The following LDLRAD4 variants were observed in gnomAD, a reference collection of about 807,000 sequenced individuals.
The protein encoded by LDLRAD4 is low density lipoprotein receptor class A domain containing 4.
Under a neutral mutation model 17.0 loss-of-function variants are expected in LDLRAD4, and 5 were observed. That is an observed-to-expected ratio of 0.29 (90% CI 0.15 to 0.62). The LOEUF is 0.62. LDLRAD4 is among the 20% of genes least tolerant of loss of function. LDLRAD4 has a pLI of 0.84. For missense variants in LDLRAD4, 340 were observed against 424.7 expected, an observed-to-expected ratio of 0.80 and a Z score of 1.75; for synonymous variants, 168 against 171.8, an observed-to-expected ratio of 0.98 and a Z score of 0.17.
intron 1 of LDLRAD4, among the ~76,000 whole-genome samples, chr18:13,281,048 C>T (rs575072803): frequency 8.5e-5 from 13 of 152,180 alleles, no homozygotes; most frequent in Non-Finnish European, 1.8e-4. Context: ...TTATTTTCAC[C>T]AGATGTGTGT....
chr18:13,364,017 TCTGAAGTATA>T (rs1159548062), intron 1 of LDLRAD4, among the ~76,000 whole-genome samples: 4 of 152,318 alleles, frequency 2.6e-5, no homozygotes, highest in Admixed American at 6.5e-5. Flanking sequence ...AAAAGTTTGG[TCTGAAGTATA>T]CTGAGGCCAT....
At chr18:13,577,108 G>A (rs898326853) in intron 3 of LDLRAD4, among the ~76,000 whole-genome samples, 1 of 151,560 alleles carries the variant, frequency 6.6e-6, no homozygotes, top group Non-Finnish European at 1.5e-5. Context: ...GAATTTGCAT[G>A]AGGCTAGTTT....
At chr18:13,297,289 A>G (rs914021012) in intron 1 of LDLRAD4, among the ~76,000 whole-genome samples, 1 of 152,178 alleles carries the variant, frequency 6.6e-6, no homozygotes, top group Non-Finnish European at 1.5e-5. Flanking sequence ...GGTGGGGATC[A>G]TAGCACCGTT....
chr18:13,226,723 T>TAAAATAAAAC (rs2041826122), intron 1 of LDLRAD4, among the ~76,000 whole-genome samples: 1 of 147,160 alleles, frequency 6.8e-6, no homozygotes, highest in Non-Finnish European at 1.5e-5. Flanking sequence ...TAAAATAAAA[T>TAAAATAAAAC]AAAATAAAAT....
At chr18:13,454,186 C>T (rs1464904059) in intron 3 of LDLRAD4, among the ~76,000 whole-genome samples, 1 of 152,148 alleles carries the variant, frequency 6.6e-6, no homozygotes, top group Non-Finnish European at 1.5e-5. Context: ...TCAGTGTTCA[C>T]GTGGAGGGAA....
chr18:13,346,401 T>C (rs1209862880), intron 1 of LDLRAD4, among the ~76,000 whole-genome samples: 1 of 152,256 alleles, frequency 6.6e-6, no homozygotes, highest in East Asian at 1.9e-4. Flanking sequence ...GTGAGTTTCT[T>C]AATCCTGAGT....
rs138973756 is a variant in LDLRAD4 at position 13,533,681 on chromosome 18, G to A, written c.182-87436G>A. Among the ~76,000 whole-genome samples the A allele has an allele frequency of 3.2e-4, 49 of 152,280 alleles. 1 individual carries two copies. In the East Asian group the frequency reaches 9.5e-3, roughly 29 times the overall value. On this transcript the variant is annotated intron_variant, in intron 3 of 5. Coordinates refer to ENST00000359446, the Ensembl canonical transcript of LDLRAD4. ...GTCCATGTATCTGAATTACATTTAG[G>A]CCTTTTAAAACATATCACATTATGT... is the stretch of plus-strand genomic sequence containing the variant.
intron 3 of LDLRAD4, among the ~76,000 whole-genome samples, chr18:13,517,732 A>G (rs1006999783): frequency 1.4e-5 from 2 of 140,290 alleles, no homozygotes; most frequent in Non-Finnish European, 3.1e-5. Flanking sequence ...TCTGGACATG[A>G]CTTTCTTTTT....
At chr18:13,604,661 A>G (rs1458525060) in intron 3 of LDLRAD4, among the ~76,000 whole-genome samples, 1 of 152,174 alleles carries the variant, frequency 6.6e-6, no homozygotes, top group African/African-American at 2.4e-5. Flanking sequence ...TGAAAGTGAA[A>G]ATTGTGATAT....
intron 1 of LDLRAD4, among the ~76,000 whole-genome samples, chr18:13,370,714 T>TTTTTTTTTTTTTTTG (rs1555663220): frequency 0.063 from 1,826 of 29,102 alleles, 129 homozygotes; most frequent in East Asian, 0.42. Context: ...TTTTGTTTTG[T>TTTTTTTTTTTTTTTG]TTTTTTTTTT....
chr18:13,475,471 G>C lies in LDLRAD4; in HGVS notation c.181+37087G>C, dbSNP rs2092915951. On this transcript the variant is annotated intron_variant, in intron 3 of 5. Coordinates refer to ENST00000359446, the Ensembl canonical transcript of LDLRAD4. ...TGTAAAGACAGGTTCTTGCTGTGTT[G>C]GCCAGGCTGGTCTTAAGCAGTCCTC... 3.1e-5 allele frequency among the ~76,000 whole-genome samples: 4 copies of C among 127,016 alleles called. No homozygotes were observed. In the South Asian group the frequency reaches 1.1e-3, roughly 34 times the overall value. 83.3% of individuals were successfully genotyped at this position (127,016 alleles called of 152,430 possible). A position where few individuals can be genotyped will look rare whatever the true frequency, so the allele number is the denominator to read the frequency against.
Position 13,522,898 on chromosome 18 carries a change from G to A in LDLRAD4, c.181+84514G>A, listed in dbSNP as rs78158725. On this transcript the variant is annotated intron_variant, in intron 3 of 5. Transcript: ENST00000359446. ...GTACGAAGTTTGTAAAGGTGCGTTT[G>A]ATGCATTTACGAGGTGCTGAGAGTG... 919 of 152,312 alleles carry A rather than the reference G, an allele frequency of 6.0e-3. 28 individuals carry two copies. In the East Asian group the frequency reaches 0.097, roughly 16 times the overall value. The allele number at this position is 152,312 out of a possible 1,614,324, so 9.4% of individuals were successfully genotyped here. A position where few individuals can be genotyped will look rare whatever the true frequency, so the allele number is the denominator to read the frequency against.
intron 3 of LDLRAD4, among the ~76,000 whole-genome samples, chr18:13,606,543 A>C (rs1306237596): frequency 6.6e-6 from 1 of 152,154 alleles, no homozygotes; most frequent in Non-Finnish European, 1.5e-5. Flanking sequence ...GCACACGCAG[A>C]GCATTTGCGT....
At chr18:13,508,227 G>A (rs1940921) in intron 3 of LDLRAD4, among the ~76,000 whole-genome samples, 57,476 of 152,056 alleles carry the variant, frequency 0.38, 11,909 homozygotes, top group Middle Eastern at 0.56. Flanking sequence ...TTGGAAGCTA[G>A]CAGAGGTAGG....
At chr18:13,298,564 G>T (rs1042644596) in intron 1 of LDLRAD4, among the ~76,000 whole-genome samples, 3 of 149,844 alleles carry the variant, frequency 2.0e-5, no homozygotes, top group African/African-American at 7.4e-5. Context: ...TCTGGGCACG[G>T]TGATGGAGCT....
chr18:13,491,582 G>A (rs1202572750), intron 3 of LDLRAD4: 1 of 152,204 alleles, frequency 6.6e-6, no homozygotes, highest in East Asian at 1.9e-4. Flanking sequence ...ATTATATGTA[G>A]TGTTGGTGAT....
At chr18:13,368,075 G>A (rs748278491) in intron 1 of LDLRAD4, among the ~76,000 whole-genome samples, 2 of 152,110 alleles carry the variant, frequency 1.3e-5, no homozygotes, top group South Asian at 4.2e-4. Flanking sequence ...TCTGTTTTTG[G>A]CTTCTTAGAC....
intron 3 of LDLRAD4, among the ~76,000 whole-genome samples, chr18:13,549,916 G>A (rs140672803): frequency 4.7e-4 from 71 of 152,240 alleles, no homozygotes; most frequent in African/African-American, 1.5e-3. Context: ...GGAAACTTGG[G>A]CAAGAGTCTT....
At chr18:13,290,301 T>A (rs1025183105) in intron 1 of LDLRAD4, among the ~76,000 whole-genome samples, 12 of 152,246 alleles carry the variant, frequency 7.9e-5, no homozygotes, top group African/African-American at 2.9e-4. Context: ...ACCTTTTACA[T>A]ACCTAAAATG....
Sources: allele counts gnomAD v4.1 joint callset (sites outside exome capture counted in the v4.1 genomes callset), GRCh38; gene constraint gnomAD v4.1.1; transcripts MANE v1.5; gene names NCBI Gene and HGNC (gene_info 2026-07-23, HGNC 2026-07-21).